SCN2A: variants seen among roughly 807,000 people sequenced by gnomAD.
SCN2A encodes sodium channel protein type 2 subunit alpha.
A neutral mutation model predicts 188.7 loss-of-function variants in SCN2A; 20 were observed. The ratio of observed to expected loss-of-function variants is 0.11; its 90% CI spans 0.07 to 0.15. The LOEUF is 0.15. Among genes scored for constraint, SCN2A ranks in the 10% least tolerant of loss-of-function variants. The probability of loss-of-function intolerance (pLI) is 1.00; values close to 1 mark genes in which losing one functional copy is unlikely to be tolerated. For missense variants in SCN2A, 1,278 were observed against 2,445.0 expected, an observed-to-expected ratio of 0.52 and a Z score of 10.07; for synonymous variants, 804 against 833.1, an observed-to-expected ratio of 0.97 and a Z score of 0.60.
chr2:165,268,644 T>C (rs1301413156), intron 1 of SCN2A: 2 of 152,112 alleles, frequency 1.3e-5, no homozygotes, highest in Non-Finnish European at 1.5e-5. Flanking sequence ...GTGACAAAAT[T>C]AGTGTGATAA....
chr2:165,335,309 G>GA (rs1170168152), intron 14 of SCN2A, among the ~76,000 whole-genome samples: 5 of 150,986 alleles, frequency 3.3e-5, no homozygotes, highest in Non-Finnish European at 7.4e-5. Flanking sequence ...ATCTTAACTA[G>GA]AAAAAAAATA....
intron 1 of SCN2A, among the ~76,000 whole-genome samples, chr2:165,240,704 G>A (rs77893720): frequency 0.058 from 4,420 of 76,170 alleles, 215 homozygotes; most frequent in African/African-American, 0.16. Flanking sequence ...TGATGGTGGA[G>A]GTGGCAGGCG....
Position 165,331,455 on chromosome 2 carries a change from C to T in SCN2A, c.2275C>T (p.Pro759Ser). The T allele has an allele frequency of 6.2e-7, 1 of 1,613,656 alleles. No individual in the cohort carries two copies. The highest frequency in any genetic ancestry group is 8.5e-7 in the Non-Finnish European group (1 of 1,179,708). The change falls in exon 14 of 27, where the codon CCA becomes TCA. Residue 759 changes from proline to serine, a missense_variant. By Grantham distance (74) the Pro-to-Ser change is moderately conservative. Transcript: ENST00000375437. Reference sequence around the variant, plus strand: ...CCTTGTCAACCTGGTTGTAATGGACCCATTTGTTGACCTGGCCATCACCAT... The same window carrying T: ...CCTTGTCAACCTGGTTGTAATGGACTCATTTGTTGACCTGGCCATCACCAT... ...KHLVNLVVMD[P>S]FVDLAITICI... is the part of the protein sequence containing the mutation.
intron 1 of SCN2A, among the ~76,000 whole-genome samples, chr2:165,243,113 T>A (rs985162144): frequency 3.9e-5 from 6 of 152,214 alleles, no homozygotes; most frequent in Non-Finnish European, 8.8e-5. Flanking sequence ...GTTATCAATT[T>A]CTTATTCATA....
intron 3 of SCN2A, among the ~76,000 whole-genome samples, chr2:165,306,596 T>G (rs1697151911): frequency 6.6e-6 from 1 of 151,878 alleles, no homozygotes; most frequent in South Asian, 2.1e-4. Flanking sequence ...GCACATCATT[T>G]ACTTATGAGT....
rs372596351 is a variant in SCN2A, at chr2:165,246,109, ATCTAT to A, written c.-52+6472_-52+6476del. Among the ~76,000 whole-genome samples, 117 of 152,340 alleles carry A rather than the reference ATCTAT, an allele frequency of 7.7e-4. 1 individual carries two copies. The East Asian group carries it at 0.017, about 22-fold the overall frequency. ...CAAACCTAGACTCACAGCATCATAA[ATCTAT>A]TCAAATATAAAAGCAAAAGCAGGAT... On this transcript the variant is annotated intron_variant, in intron 1 of 26. Transcript: ENST00000375437.
At chr2:165,379,148 T>G (rs1558878410) in intron 23 of SCN2A, among the ~76,000 whole-genome samples, 2 of 151,822 alleles carry the variant, frequency 1.3e-5, no homozygotes, top group Non-Finnish European at 2.9e-5. Flanking sequence ...GGATAATCTA[T>G]GTACAAAAAT....
chr2:165,323,114 C>G, intron 11 of SCN2A, 42 bp from the exon 12 acceptor site: 9 of 1,549,588 alleles, frequency 5.8e-6, no homozygotes, highest in Non-Finnish European at 6.2e-6. Flanking sequence ...CAGCTCTTAA[C>G]TCTCTTCATC....
chr2:165,245,036 G>T (rs1403679075), intron 1 of SCN2A, among the ~76,000 whole-genome samples: 1 of 152,190 alleles, frequency 6.6e-6, no homozygotes, highest in Non-Finnish European at 1.5e-5. Context: ...CCTCTTCTCT[G>T]AATAACTGAT....
intron 17 of SCN2A, among the ~76,000 whole-genome samples, chr2:165,356,965 A>G (rs564173492): frequency 2.6e-5 from 4 of 152,332 alleles, no homozygotes; most frequent in African/African-American, 9.6e-5. Context: ...CTGACCTGCC[A>G]GGTGGAAGCA....
At chr2:165,331,286 A>G (rs1259169469) in intron 13 of SCN2A, 44 bp from the exon 14 acceptor site, 1 of 1,389,204 alleles carries the variant, frequency 7.2e-7, no homozygotes, top group Admixed American at 1.7e-5. Flanking sequence ...TGCTTAATAG[A>G]AAGTAAGCAG....
chr2:165,277,805 C>G (rs1695410247), intron 1 of SCN2A, among the ~76,000 whole-genome samples: 1 of 152,168 alleles, frequency 6.6e-6, no homozygotes, highest in Non-Finnish European at 1.5e-5. Flanking sequence ...GGCTATTTCA[C>G]CCCCAGCCTC....
At chr2:165,362,086 A>T (rs1323155151) in intron 17 of SCN2A, among the ~76,000 whole-genome samples, 1 of 152,068 alleles carries the variant, frequency 6.6e-6, no homozygotes, top group African/African-American at 2.4e-5. Flanking sequence ...CCCAAAATTT[A>T]TTAAACACAA....
chr2:165,356,348 T>C (rs991052299), intron 17 of SCN2A, among the ~76,000 whole-genome samples: 2 of 152,218 alleles, frequency 1.3e-5, no homozygotes, highest in Admixed American at 1.3e-4. Flanking sequence ...CTTAAAATCT[T>C]ATTAACAAAA....
intron 1 of SCN2A, among the ~76,000 whole-genome samples, chr2:165,288,840 C>T (rs752880791): frequency 1.3e-5 from 2 of 151,678 alleles, no homozygotes; most frequent in Non-Finnish European, 2.9e-5. Flanking sequence ...AGACTTGAAC[C>T]TATGGAATAA....
chr2:165,334,316 A>T (rs1031832236), intron 14 of SCN2A, among the ~76,000 whole-genome samples: 1 of 151,754 alleles, frequency 6.6e-6, no homozygotes, highest in Non-Finnish European at 1.5e-5. Flanking sequence ...AAAATAATGC[A>T]AGAAAAGAAC....
intron 1 of SCN2A, chr2:165,245,571 A>G (rs1245569293): frequency 6.6e-6 from 1 of 152,204 alleles, no homozygotes; most frequent in East Asian, 1.9e-4. Flanking sequence ...GAGCCCAGCA[A>G]TTGTCAGGCA....
intron 25 of SCN2A, among the ~76,000 whole-genome samples, chr2:165,385,494 A>C (rs1407423385): frequency 1.3e-5 from 2 of 152,194 alleles, no homozygotes; most frequent in African/African-American, 4.8e-5. Context: ...GAATATTTCC[A>C]TTGTGACTTT....
In SCN2A at chr2:165,331,328, A is replaced by G. The variant is rs2105293230; in HGVS notation, c.2150-2A>G. 6.2e-7 allele frequency: 1 copy of G among 1,610,832 alleles called. No homozygotes were observed. Among genetic ancestry groups the G allele is most frequent in the Non-Finnish European group, 8.5e-7 (1 of 1,177,180 alleles). Reference sequence around the variant, plus strand: ...TGAGGATTCTAACTTTTTTTCTTCCAGAACTTGAAGAATCCAGACAGAAAT... The same window carrying G: ...TGAGGATTCTAACTTTTTTTCTTCCGGAACTTGAAGAATCCAGACAGAAAT... On this transcript the variant is annotated splice_acceptor_variant, in intron 13 of 26. Transcript: ENST00000375437. LOFTEE classifies it high-confidence loss of function.
Sources: gnomAD v4.1 joint callset for allele counts (sites outside exome capture counted in the v4.1 genomes callset) on GRCh38, gnomAD v4.1.1 for gene constraint, MANE v1.5 for transcripts, NCBI Gene and HGNC (gene_info 2026-07-23, HGNC 2026-07-21) for gene names.